Variants in ASIC5 observed in about 807,000 individuals in gnomAD.
The protein encoded by ASIC5 is acid sensing ion channel subunit family member 5, also known as bile acid-sensitive ion channel.
In ASIC5, 52 loss-of-function variants were observed where a neutral mutation model predicts 51.2. The observed-to-expected ratio is 1.02, with a 90% CI of 0.81 to 1.28. The LOEUF (loss-of-function observed/expected upper bound fraction) is 1.28, where lower values mean the gene tolerates loss of function less well. Ranked by LOEUF, ASIC5 falls within the 50% of genes most tolerant of loss-of-function variation. The pLI is 0.00. For synonymous variants in ASIC5, 231 were observed against 200.7 expected (o/e 1.15, Z -1.28); for missense variants, 635 against 595.0 (o/e 1.07, Z -0.70).
intron 2 of ASIC5, among the ~76,000 whole-genome samples, chr4:155,856,319 A>T (rs1741538633): frequency 6.6e-6 from 1 of 152,248 alleles, no homozygotes; most frequent in South Asian, 2.1e-4. Context: ...ATGTATACAT[A>T]TAATTTTTCT....
chr4:155,832,707 T>G (rs1740895923), intron 8 of ASIC5, among the ~76,000 whole-genome samples: 1 of 152,148 alleles, frequency 6.6e-6, no homozygotes, highest in Admixed American at 6.6e-5. Flanking sequence ...ATAGTGTAAA[T>G]TTTCACACTC....
At chr4:155,842,979 T>C (rs1487490369) in intron 5 of ASIC5, among the ~76,000 whole-genome samples, 6 of 152,232 alleles carry the variant, frequency 3.9e-5, no homozygotes, top group Non-Finnish European at 8.8e-5. Flanking sequence ...TCCTCCCCAC[T>C]GCAAACAGTG....
At chr4:155,833,398 T>C (rs1740912519) in intron 8 of ASIC5, among the ~76,000 whole-genome samples, 1 of 152,218 alleles carries the variant, frequency 6.6e-6, no homozygotes, top group South Asian at 2.1e-4. Flanking sequence ...TAAATCACTC[T>C]CCTTAATGTT....
rs908875652 is a variant in ASIC5 at position 155,845,383 on chromosome 4, CTT to C, written c.712-1555_712-1554del. ...TTTTTTTTGTTTTTCTCTCCTAAGA[CTT>C]TGTCTTTTTTTTGAGCAAAAGTTTT... On this transcript the variant is annotated intron_variant, in intron 4 of 9. Transcript: ENST00000537611. Among the ~76,000 whole-genome samples, 8 of 142,084 alleles carry C rather than the reference CTT, an allele frequency of 5.6e-5. No individual in the cohort carries two copies. In the South Asian group the frequency reaches 1.4e-3, roughly 24 times the overall value. 93.2% of individuals were successfully genotyped at this position (142,084 alleles called of 152,430 possible).
chr4:155,860,297 T>A lies in ASIC5; in HGVS notation c.347+3151A>T, dbSNP rs74685054. Among the ~76,000 whole-genome samples, 1,242 of 151,984 alleles carry A rather than the reference T, an allele frequency of 8.2e-3. 13 individuals carry two copies. Among genetic ancestry groups the A allele is most frequent in the African/African-American group, 0.028 (1,173 of 41,544 alleles). ...TAATATAATTTGATATAAAATACAA[T>A]ATTTTTCACCTCCTAAAAATAATAA... On this transcript the variant is annotated intron_variant, in intron 2 of 9. Coordinates refer to ENST00000537611, the MANE Select transcript of ASIC5 (RefSeq NM_017419.3).
At chr4:155,865,811 A>G (rs1741848211) in intron 1 of ASIC5, among the ~76,000 whole-genome samples, 1 of 152,172 alleles carries the variant, frequency 6.6e-6, no homozygotes, top group South Asian at 2.1e-4. Context: ...CAGTGTCATT[A>G]TGACAACTAG....
rs1443345149 is a variant in ASIC5, at chr4:155,843,690, G to T, written c.852C>A (p.Arg284=). 9 of 1,613,232 alleles carry T rather than the reference G, an allele frequency of 5.6e-6. No homozygotes were observed. Among genetic ancestry groups the T allele is most frequent in the Non-Finnish European group, 7.6e-6 (9 of 1,179,560 alleles). ...PVGMHARVTI[R]QVKTVHQEYP... ...AGACTCGAGTATTTACCTTCACTTGGCGGATGGTTACCCTTGCGTGCATTC... is the reference window on the plus strand; with the variant it reads ...AGACTCGAGTATTTACCTTCACTTGTCGGATGGTTACCCTTGCGTGCATTC... Residue 284 remains arginine (R), a synonymous_variant, in exon 5 of 10, where the codon CGC becomes CGA. Transcript: ENST00000537611.
chr4:155,857,971 G>A (rs1206701192), intron 2 of ASIC5, among the ~76,000 whole-genome samples: 1 of 152,042 alleles, frequency 6.6e-6, no homozygotes, highest in East Asian at 1.9e-4. Context: ...GAATCACAGT[G>A]ATTATAAACA....
rs1398747877 is a variant in ASIC5, at chr4:155,846,340, CA to C, written c.712-2511del. ...GATTACAAAACTGTAAACCCAGCCC[CA>C]AACAGAATGATCATTACTTGTGTAG... On this transcript the variant is annotated intron_variant, in intron 4 of 9. Coordinates refer to ENST00000537611, the MANE Select transcript of ASIC5 (RefSeq NM_017419.3). Among the ~76,000 whole-genome samples, 4 of 152,190 alleles carry C rather than the reference CA, an allele frequency of 2.6e-5. No individual in the cohort carries two copies. The East Asian group carries it at 7.7e-4, about 29-fold the overall frequency.
chr4:155,844,882 AC>A (rs2111242876), intron 4 of ASIC5, among the ~76,000 whole-genome samples: 1 of 152,046 alleles, frequency 6.6e-6, no homozygotes, highest in Non-Finnish European at 1.5e-5. Flanking sequence ...TTAGGAGCCA[AC>A]CCCTGCTGCA....
chr4:155,836,354 A>C (rs1228300798), intron 8 of ASIC5, among the ~76,000 whole-genome samples: 2 of 152,216 alleles, frequency 1.3e-5, no homozygotes, highest in Non-Finnish European at 1.5e-5. Context: ...GAAGACTCAA[A>C]GTGTATAATG....
At chr4:155,849,715 CT>C (rs377197972) in intron 4 of ASIC5, among the ~76,000 whole-genome samples, 9 of 151,540 alleles carry the variant, frequency 5.9e-5, no homozygotes, top group South Asian at 2.1e-4. Flanking sequence ...CAATTTTTTT[CT>C]TTTTTTTCCC....
At chr4:155,866,039 C>G (rs952144291) in intron 1 of ASIC5, 148 bp downstream of exon 1, 1 of 449,412 alleles carries the variant, frequency 2.2e-6, no homozygotes, top group Non-Finnish European at 3.9e-6. Flanking sequence ...TAAAACTATT[C>G]ATTTTTAAAA....
chr4:155,861,391 A>G (rs1741702215), intron 2 of ASIC5, among the ~76,000 whole-genome samples: 1 of 152,024 alleles, frequency 6.6e-6, no homozygotes, highest in East Asian at 1.9e-4. Context: ...GTTAACTTAT[A>G]TCTCCTGATA....
At chr4:155,841,740 A>G (rs1460721151) in intron 6 of ASIC5, among the ~76,000 whole-genome samples, 1 of 152,132 alleles carries the variant, frequency 6.6e-6, no homozygotes, top group South Asian at 2.1e-4. Context: ...GAGACCATCA[A>G]ATTTTAGCCT....
chr4:155,855,461 T>C (rs1341165532), intron 2 of ASIC5: 1 of 152,040 alleles, frequency 6.6e-6, no homozygotes, highest in Non-Finnish European at 1.5e-5. Flanking sequence ...CATATGGTTC[T>C]TCATTTGCAT....
intron 6 of ASIC5, among the ~76,000 whole-genome samples, chr4:155,839,974 T>C (rs1173615143): frequency 6.6e-6 from 1 of 152,176 alleles, no homozygotes; most frequent in African/African-American, 2.4e-5. Context: ...TCAGCGAATT[T>C]GTTTAACGTT....
At chr4:155,832,468 G>A (rs531367566) in intron 8 of ASIC5, among the ~76,000 whole-genome samples, 6 of 152,134 alleles carry the variant, frequency 3.9e-5, no homozygotes, top group African/African-American at 1.2e-4. Flanking sequence ...TTTTCTTAAT[G>A]TCTGTTTGAA....
intron 2 of ASIC5, among the ~76,000 whole-genome samples, chr4:155,857,646 C>T (rs993356293): frequency 2.6e-5 from 4 of 152,046 alleles, no homozygotes; most frequent in African/African-American, 9.7e-5. Context: ...ATGTACTTCT[C>T]CAAGTTATAT....
Sources: gnomAD v4.1 joint callset for allele counts (sites outside exome capture counted in the v4.1 genomes callset) on GRCh38, gnomAD v4.1.1 for gene constraint, MANE v1.5 for transcripts, NCBI Gene and HGNC (gene_info 2026-07-23, HGNC 2026-07-21) for gene names.